ALK: variants seen among roughly 807,000 people sequenced by gnomAD.
The protein encoded by ALK is ALK tyrosine kinase receptor.
In ALK, 74 loss-of-function variants were observed where a neutral mutation model predicts 163.1. The observed-to-expected ratio is 0.45, with a 90% confidence interval of 0.38 to 0.55. ALK has a LOEUF of 0.55. ALK is among the 20% of genes least tolerant of loss of function. The pLI, the probability that ALK is intolerant of heterozygous loss-of-function variation, is 0.00. For missense variants in ALK, 2,063 were observed against 2,105.3 expected (o/e 0.98, Z 0.39); for synonymous variants, 960 against 843.2 (o/e 1.14, Z -2.40).
At chr2:29,373,531 C>A (rs920452329) in intron 5 of ALK, among the ~76,000 whole-genome samples, 1 of 152,182 alleles carries the variant, frequency 6.6e-6, no homozygotes, top group Non-Finnish European at 1.5e-5. Context: ...TATTTAAAAA[C>A]CTTTGTGTCT....
chr2:29,686,602 G>T (rs1439265070), intron 3 of ALK, among the ~76,000 whole-genome samples: 1 of 152,172 alleles, frequency 6.6e-6, no homozygotes, highest in Non-Finnish European at 1.5e-5. Flanking sequence ...TGGCAGAGCT[G>T]GGACCAGAGC....
intron 1 of ALK, among the ~76,000 whole-genome samples, chr2:29,815,525 A>C (rs994492346): frequency 1.3e-5 from 2 of 152,162 alleles, no homozygotes; most frequent in African/African-American, 4.8e-5. Context: ...CTCTCTGAGG[A>C]AGGAGAAGTT....
Position 29,232,459 on chromosome 2 carries a change from G to GAGACATTC in ALK, c.2488-19_2488-12dup. On this transcript the variant is annotated splice_polypyrimidine_tract_variant and intron_variant, in intron 14 of 28. Coordinates refer to ENST00000389048, the MANE Select transcript of ALK (RefSeq NM_004304.5). The stretch of plus-strand genomic sequence containing the variant: ...CACTCCATCCTTCATCTGACCAGGG[G>GAGACATTC]AGACATTCAGACATTGAGAAACCGA... The GAGACATTC allele has an allele frequency of 2.5e-6, 4 of 1,614,212 alleles. No individual in the cohort carries two copies. The highest frequency in any genetic ancestry group is 3.4e-6 in the Non-Finnish European group (4 of 1,180,034).
intron 1 of ALK, among the ~76,000 whole-genome samples, chr2:29,751,105 GA>G (rs1680353532): frequency 6.6e-6 from 1 of 152,062 alleles, no homozygotes; most frequent in African/African-American, 2.4e-5. Context: ...GAAAAGAGAA[GA>G]AAGAAAGGTT....
chr2:29,802,086 T>G (rs1425725384), intron 1 of ALK, among the ~76,000 whole-genome samples: 4 of 152,024 alleles, frequency 2.6e-5, no homozygotes, highest in Admixed American at 6.6e-5. Flanking sequence ...GGTTTAAATG[T>G]CAAAACAAAA....
chr2:29,725,469 C>T (rs1238583074), intron 1 of ALK, among the ~76,000 whole-genome samples: 5 of 152,140 alleles, frequency 3.3e-5, no homozygotes, highest in African/African-American at 9.7e-5. Context: ...AGCTGGGATT[C>T]GGGTTGTGCC....
At chr2:29,400,475 C>T (rs529988957) in intron 4 of ALK, among the ~76,000 whole-genome samples, 3 of 152,166 alleles carry the variant, frequency 2.0e-5, no homozygotes, top group Non-Finnish European at 4.4e-5. Context: ...CCATGCAAGG[C>T]TGCTGACCGA....
intron 3 of ALK, among the ~76,000 whole-genome samples, chr2:29,612,051 C>T (rs1209871290): frequency 2.0e-5 from 3 of 152,160 alleles, no homozygotes; most frequent in Admixed American, 6.5e-5. Context: ...CAGGGTGACT[C>T]GCTCACCAGC....
intron 4 of ALK, among the ~76,000 whole-genome samples, chr2:29,395,874 T>C (rs537149808): frequency 1.2e-4 from 18 of 152,336 alleles, no homozygotes; most frequent in African/African-American, 4.3e-4. Flanking sequence ...TAATCATATT[T>C]CTACACAGCT....
At chr2:29,600,936 A>C (rs1254765766) in intron 3 of ALK, among the ~76,000 whole-genome samples, 1 of 152,180 alleles carries the variant, frequency 6.6e-6, no homozygotes, top group Non-Finnish European at 1.5e-5. Flanking sequence ...CCCAGCTCAG[A>C]GGGACACCCA....
chr2:29,317,649 C>T (rs1666868496), intron 8 of ALK, among the ~76,000 whole-genome samples: 1 of 152,238 alleles, frequency 6.6e-6, no homozygotes, highest in African/African-American at 2.4e-5. Context: ...GGTTAATTAA[C>T]TGCCCAAACA....
At chr2:29,782,487 T>C (rs149546120) in intron 1 of ALK, among the ~76,000 whole-genome samples, 2,498 of 152,236 alleles carry the variant, frequency 0.016, 41 homozygotes, top group South Asian at 0.049. Context: ...CCACCATCAC[T>C]AGCCCCTCGC....
intron 4 of ALK, among the ~76,000 whole-genome samples, chr2:29,420,333 T>A (rs879808410): frequency 8.6e-5 from 13 of 151,260 alleles, no homozygotes; most frequent in Admixed American, 3.3e-4. Context: ...AGAACAAACT[T>A]TTACAGATAT....
intron 23 of ALK, among the ~76,000 whole-genome samples, chr2:29,219,272 A>C (rs1669720425): frequency 6.6e-6 from 1 of 152,166 alleles, no homozygotes; most frequent in African/African-American, 2.4e-5. Context: ...AGGTGCACAC[A>C]AATTCCTCTT....
intron 4 of ALK, among the ~76,000 whole-genome samples, chr2:29,529,066 T>G (rs1286472002): frequency 6.6e-6 from 1 of 152,204 alleles, no homozygotes; most frequent in Non-Finnish European, 1.5e-5. Flanking sequence ...GCAGCTGCTG[T>G]GCTTCTCCAA....
chr2:29,288,063 G>T (rs1190298663), intron 9 of ALK, among the ~76,000 whole-genome samples: 1 of 149,692 alleles, frequency 6.7e-6, no homozygotes, highest in Non-Finnish European at 1.5e-5. Flanking sequence ...ATGGGGGTGG[G>T]AGGGATGGGT....
chr2:29,611,442 C>A (rs185872344), intron 3 of ALK, among the ~76,000 whole-genome samples: 1 of 152,246 alleles, frequency 6.6e-6, no homozygotes, highest in East Asian at 1.9e-4. Flanking sequence ...TCACTACAAC[C>A]CTGTGAGATA....
chr2:29,756,002 G>A (rs1380379122), intron 1 of ALK, among the ~76,000 whole-genome samples: 2 of 152,230 alleles, frequency 1.3e-5, no homozygotes, highest in African/African-American at 2.4e-5. Flanking sequence ...TTGTGCTGAT[G>A]TAAGCATCAA....
intron 2 of ALK, 107 bp from the exon 3 acceptor site, chr2:29,695,121 T>C: frequency 7.7e-7 from 1 of 1,297,846 alleles, no homozygotes; most frequent in Non-Finnish European, 1.1e-6. Context: ...CCACATCCTT[T>C]GCCCTGTCCA....
Sources: gnomAD v4.1 joint callset for allele counts (sites outside exome capture counted in the v4.1 genomes callset) on GRCh38, gnomAD v4.1.1 for gene constraint, MANE v1.5 for transcripts, NCBI Gene and HGNC (gene_info 2026-07-23, HGNC 2026-07-21) for gene names.